The following CTIF variants were observed in gnomAD, a reference collection of about 807,000 sequenced individuals.
CTIF encodes the protein cap binding complex dependent translation initiation factor.
In CTIF, 21 loss-of-function variants were observed where a neutral mutation model predicts 66.0. The ratio of observed to expected loss-of-function variants is 0.32; its 90% CI spans 0.23 to 0.46. The LOEUF (loss-of-function observed/expected upper bound fraction) is 0.46, where lower values mean the gene tolerates loss of function less well. CTIF is among the 20% of genes least tolerant of loss of function. The probability of loss-of-function intolerance (pLI) is 1.00; values close to 1 mark genes in which losing one functional copy is unlikely to be tolerated. For synonymous variants in CTIF, 345 were observed against 326.4 expected (o/e 1.06, Z -0.62); for missense variants, 739 against 812.7 (o/e 0.91, Z 1.10).
At chr18:48,662,068 T>G (rs912929046) in intron 3 of CTIF, 2 of 152,210 alleles carry the variant, frequency 1.3e-5, no homozygotes, top group African/African-American at 4.8e-5. Flanking sequence ...CTACTGTAAG[T>G]CACCCACACA....
At chr18:48,662,113 G>A (rs1009513988) in intron 3 of CTIF, 7 of 152,334 alleles carry the variant, frequency 4.6e-5, no homozygotes, top group African/African-American at 1.4e-4. Flanking sequence ...GGTGACTGCA[G>A]TTTGGGAGGC....
At chr18:48,596,035 C>T (rs1418920785) in intron 1 of CTIF, among the ~76,000 whole-genome samples, 1 of 152,126 alleles carries the variant, frequency 6.6e-6, no homozygotes, top group East Asian at 1.9e-4. Context: ...CATCCTATCA[C>T]CTTTGTCATA....
At chr18:48,753,939 G>A (rs921272033) in intron 7 of CTIF, among the ~76,000 whole-genome samples, 5 of 152,150 alleles carry the variant, frequency 3.3e-5, no homozygotes, top group African/African-American at 7.2e-5. Context: ...TGAAGGTATC[G>A]ACGAAACCCA....
chr18:48,817,795 C>CCATCCTT (rs2068401038), intron 10 of CTIF, among the ~76,000 whole-genome samples: 3 of 151,894 alleles, frequency 2.0e-5, no homozygotes, highest in Non-Finnish European at 4.4e-5. Context: ...AAAAGGGGGC[C>CCATCCTT]CATCCTTCAG....
intron 10 of CTIF, among the ~76,000 whole-genome samples, chr18:48,829,081 A>AG (rs1208019026): frequency 6.6e-6 from 1 of 152,076 alleles, no homozygotes; most frequent in African/African-American, 2.4e-5. Flanking sequence ...TGGAGGAGGG[A>AG]GGGGGTGCAG....
At chr18:48,760,185 CTT>C (rs949378479) in intron 8 of CTIF, 31 of 132,894 alleles carry the variant, frequency 2.3e-4, no homozygotes, top group African/African-American at 4.7e-4. Flanking sequence ...TCAGCCCTTT[CTT>C]TTTTTTTTTT....
intron 10 of CTIF, among the ~76,000 whole-genome samples, chr18:48,817,925 G>A (rs1235653255): frequency 6.6e-6 from 1 of 152,248 alleles, no homozygotes; most frequent in Non-Finnish European, 1.5e-5. Context: ...TGAGGCTCCA[G>A]TCATTCCCAA....
intron 10 of CTIF, among the ~76,000 whole-genome samples, chr18:48,853,377 C>T (rs369321277): frequency 9.2e-5 from 14 of 152,048 alleles, no homozygotes; most frequent in Non-Finnish European, 8.8e-5. Context: ...TGTGGATCTG[C>T]GGTGGCCAAG....
At chr18:48,844,008 G>A (rs1242187550) in intron 10 of CTIF, among the ~76,000 whole-genome samples, 1 of 152,250 alleles carries the variant, frequency 6.6e-6, no homozygotes, top group Non-Finnish European at 1.5e-5. Context: ...AACACACAGA[G>A]CACATAGAAC....
At chr18:48,633,541 A>C (rs2090758974) in intron 2 of CTIF, among the ~76,000 whole-genome samples, 1 of 151,960 alleles carries the variant, frequency 6.6e-6, no homozygotes, top group African/African-American at 2.4e-5. Context: ...ATCTCTACTA[A>C]AAATACAACA....
chr18:48,842,994 C>T (rs972243361), intron 10 of CTIF, among the ~76,000 whole-genome samples: 5 of 152,160 alleles, frequency 3.3e-5, no homozygotes, highest in African/African-American at 1.2e-4. Context: ...CCTGCCCTAC[C>T]CTTCTGCTTG....
chr18:48,646,268 G>A (rs532547230), intron 3 of CTIF, among the ~76,000 whole-genome samples: 11 of 151,138 alleles, frequency 7.3e-5, no homozygotes, highest in Non-Finnish European at 1.5e-4. Flanking sequence ...ATTTTTCACT[G>A]AAGACGTTTT....
intron 1 of CTIF, among the ~76,000 whole-genome samples, chr18:48,562,828 A>G (rs899816344): frequency 6.6e-6 from 1 of 152,354 alleles, no homozygotes; most frequent in African/African-American, 2.4e-5. Flanking sequence ...ACATATTTCA[A>G]TAGTTGCCAT....
intron 1 of CTIF, among the ~76,000 whole-genome samples, chr18:48,615,790 G>A (rs1332041517): frequency 6.6e-6 from 1 of 152,216 alleles, no homozygotes; most frequent in Non-Finnish European, 1.5e-5. Flanking sequence ...GGGCAGCTGA[G>A]GTGAGGCGCC....
At chr18:48,568,884 C>T (rs1273457198) in intron 1 of CTIF, among the ~76,000 whole-genome samples, 1 of 152,100 alleles carries the variant, frequency 6.6e-6, no homozygotes, top group Non-Finnish European at 1.5e-5. Flanking sequence ...TTATCTCCCA[C>T]CAGGAGGGTC....
intron 1 of CTIF, among the ~76,000 whole-genome samples, chr18:48,550,930 G>A (rs1202062711): frequency 2.0e-5 from 3 of 152,244 alleles, no homozygotes; most frequent in African/African-American, 2.4e-5. Context: ...TGCCCTGGAC[G>A]AGAACTTACG....
intron 9 of CTIF, among the ~76,000 whole-genome samples, chr18:48,813,309 AG>A (rs1245657151): frequency 6.6e-6 from 1 of 152,176 alleles, no homozygotes; most frequent in Admixed American, 6.5e-5. Context: ...CTTACATACA[AG>A]CCCACATGTT....
intron 1 of CTIF, among the ~76,000 whole-genome samples, chr18:48,580,082 C>T (rs2089620698): frequency 6.6e-6 from 1 of 152,222 alleles, no homozygotes; most frequent in African/African-American, 2.4e-5. Context: ...AATAAAAGAG[C>T]TGGTTGCTTG....
At chr18:48,610,421 A>ATGCCCACCTGGG (rs1462384453) in intron 1 of CTIF, among the ~76,000 whole-genome samples, 2 of 129,948 alleles carry the variant, frequency 1.5e-5, no homozygotes, top group African/African-American at 7.3e-5. Context: ...GCCCACCTGG[A>ATGCCCACCTGGG]TGCCCACCTG....
Sources: allele counts gnomAD v4.1 joint callset (sites outside exome capture counted in the v4.1 genomes callset), GRCh38; gene constraint gnomAD v4.1.1; transcripts MANE v1.5; gene names NCBI Gene and HGNC (gene_info 2026-07-23, HGNC 2026-07-21).